DCC: variants seen among roughly 807,000 people sequenced by gnomAD.
DCC encodes the protein DCC netrin 1 receptor.
In DCC, 58 loss-of-function variants were observed where a neutral mutation model predicts 172.5. That is an observed-to-expected ratio of 0.34 (90% CI 0.27 to 0.42). DCC has a LOEUF of 0.42. Among genes scored for constraint, DCC ranks in the 10% least tolerant of loss-of-function variants. The pLI is 1.00. For synonymous variants in DCC, 709 were observed against 644.5 expected, an observed-to-expected ratio of 1.10 and a Z score of -1.52; for missense variants, 1,740 against 1,791.0, an observed-to-expected ratio of 0.97 and a Z score of 0.51.
At chr18:52,499,830 T>A (rs1274489554) in intron 1 of DCC, among the ~76,000 whole-genome samples, 1 of 152,128 alleles carries the variant, frequency 6.6e-6, no homozygotes, top group Non-Finnish European at 1.5e-5. Context: ...TGACTCATGG[T>A]GCAAACAGAT....
intron 2 of DCC, among the ~76,000 whole-genome samples, chr18:52,900,350 T>A (rs781516625): frequency 6.6e-6 from 1 of 152,194 alleles, no homozygotes; most frequent in Non-Finnish European, 1.5e-5. Context: ...CCTTTTAATG[T>A]TAAAATTAGT....
At chr18:53,159,662 T>C (rs9946491) in intron 8 of DCC, among the ~76,000 whole-genome samples, 30 of 152,324 alleles carry the variant, frequency 2.0e-4, no homozygotes, top group African/African-American at 7.2e-4. Flanking sequence ...TGTATCTATA[T>C]CTGTCTATCT....
intron 5 of DCC, among the ~76,000 whole-genome samples, chr18:53,019,264 A>T (rs2057861401): frequency 6.6e-6 from 1 of 152,142 alleles, no homozygotes. Flanking sequence ...TCAAGGCTGA[A>T]TTTCTCTTTT....
chr18:53,428,908 A>G (rs1247968536), intron 21 of DCC, among the ~76,000 whole-genome samples: 2 of 49,786 alleles, frequency 4.0e-5, no homozygotes, highest in African/African-American at 1.3e-4. Flanking sequence ...TTTATATATA[A>G]TAAATTATAT....
chr18:53,391,775 C>T lies in DCC; in HGVS notation c.2576C>T (p.Ala859Val), dbSNP rs755931743. 1.5e-5 allele frequency: 25 copies of T among 1,613,834 alleles called. No homozygotes were observed. The Admixed American group carries it at 4.2e-4, about 27-fold the overall frequency. Residue 859 changes from alanine to valine, a missense_variant, in exon 17 of 29, where the codon GCT becomes GTT. This residue lies in a region of DCC where 1,732 missense variants were observed against 1,767.4 expected (regional missense o/e 0.98). Coordinates refer to ENST00000442544, the MANE Select transcript of DCC (RefSeq NM_005215.4). ...GVQAVALTHD[A>V]VRVSWADNSV... ...CAGGCTGTGGCTCTTACCCATGATG[C>T]TGTGAGGGTCAGCTGGGCAGACAAC... is the stretch of plus-strand genomic sequence containing the variant.
At chr18:53,344,458 T>TA (rs2057699229) in intron 15 of DCC, among the ~76,000 whole-genome samples, 2 of 147,294 alleles carry the variant, frequency 1.4e-5, no homozygotes, top group Non-Finnish European at 3.0e-5. Flanking sequence ...TTTTTTTTTT[T>TA]TTGAGCCACA....
chr18:53,090,378 T>C (rs566526533), intron 7 of DCC, among the ~76,000 whole-genome samples: 1 of 151,820 alleles, frequency 6.6e-6, no homozygotes, highest in South Asian at 2.1e-4. Flanking sequence ...TGCAGAAAAA[T>C]GTGGAAGAAC....
At chr18:52,945,666 C>A (rs1211148848) in intron 5 of DCC, among the ~76,000 whole-genome samples, 1 of 152,174 alleles carries the variant, frequency 6.6e-6, no homozygotes, top group African/African-American at 2.4e-5. Context: ...GCTTAGAGAG[C>A]TGAGCTGAAG....
chr18:52,519,550 C>A (rs2031743981), intron 1 of DCC, among the ~76,000 whole-genome samples: 1 of 152,062 alleles, frequency 6.6e-6, no homozygotes, highest in African/African-American at 2.4e-5. Flanking sequence ...GAGGGACAGG[C>A]AATGGGATGG....
At chr18:52,541,879 A>ATATATATATATATATATATATATG (rs1367774940) in intron 1 of DCC, among the ~76,000 whole-genome samples, 1 of 136,248 alleles carries the variant, frequency 7.3e-6, no homozygotes, top group African/African-American at 2.7e-5. Flanking sequence ...GTGTGTGTAT[A>ATATATATATATATATATATATATG]TATATATATA....
At chr18:52,946,258 A>T (rs2040543364) in intron 5 of DCC, among the ~76,000 whole-genome samples, 1 of 152,216 alleles carries the variant, frequency 6.6e-6, no homozygotes, top group African/African-American at 2.4e-5. Flanking sequence ...ATGACCAGAG[A>T]TCAGCCTATT....
chr18:53,159,257 C>G (rs534384163), intron 8 of DCC, among the ~76,000 whole-genome samples: 1 of 152,184 alleles, frequency 6.6e-6, no homozygotes, highest in Admixed American at 6.5e-5. Context: ...CTCACTTTCT[C>G]CTCCTTATGT....
chr18:53,438,971 T>C (rs1271030926), intron 22 of DCC, among the ~76,000 whole-genome samples: 1 of 152,204 alleles, frequency 6.6e-6, no homozygotes, highest in East Asian at 1.9e-4. Flanking sequence ...ATTTTCTGCA[T>C]CACTTAATGA....
chr18:53,180,011 C>A (rs1424387972), intron 9 of DCC, among the ~76,000 whole-genome samples: 1 of 152,014 alleles, frequency 6.6e-6, no homozygotes, highest in Non-Finnish European at 1.5e-5. Context: ...GTTCATTTTA[C>A]GTGAAACTGT....
At chr18:52,625,363 T>C (rs1411867111) in intron 1 of DCC, among the ~76,000 whole-genome samples, 1 of 152,182 alleles carries the variant, frequency 6.6e-6, no homozygotes, top group Non-Finnish European at 1.5e-5. Flanking sequence ...GATTCATTCA[T>C]TTATTCATTT....
chr18:53,457,253 ACT>A (rs761148069), intron 23 of DCC, among the ~76,000 whole-genome samples: 2 of 152,154 alleles, frequency 1.3e-5, no homozygotes, highest in Non-Finnish European at 2.9e-5. Context: ...CAGGTTTGGA[ACT>A]CTTTTAAAAA....
At chr18:52,477,239 C>A (rs2144574097) in intron 1 of DCC, among the ~76,000 whole-genome samples, 1 of 152,234 alleles carries the variant, frequency 6.6e-6, no homozygotes, top group South Asian at 2.1e-4. Flanking sequence ...CCATTCCCTG[C>A]ATCATGCGAA....
chr18:52,426,853 CA>C (rs1157534519), intron 1 of DCC, among the ~76,000 whole-genome samples: 6 of 151,974 alleles, frequency 3.9e-5, no homozygotes, highest in African/African-American at 1.2e-4. Context: ...ATTATAATAA[CA>C]AAAAATCCAT....
At chr18:52,893,527 A>C (rs1046572835) in intron 2 of DCC, among the ~76,000 whole-genome samples, 12 of 152,192 alleles carry the variant, frequency 7.9e-5, no homozygotes, top group African/African-American at 2.4e-4. Context: ...CTTTGAAATG[A>C]ATAGGGAAAT....
Sources: gnomAD v4.1 joint callset for allele counts (sites outside exome capture counted in the v4.1 genomes callset) on GRCh38, gnomAD v4.1.1 for gene constraint, gnomAD v4.1.1 regional missense constraint, MANE v1.5 for transcripts, NCBI Gene and HGNC (gene_info 2026-07-23, HGNC 2026-07-21) for gene names.